The following NECAB2 variants were observed in gnomAD, a reference collection of about 807,000 sequenced individuals.
The protein encoded by NECAB2 is N-terminal EF-hand calcium-binding protein 2.
In NECAB2, 68 loss-of-function variants were observed where a neutral mutation model predicts 51.9. The ratio of observed to expected loss-of-function variants is 1.31; its 90% confidence interval spans 1.08 to 1.60. The LOEUF (loss-of-function observed/expected upper bound fraction) is 1.60. Ranked by LOEUF, NECAB2 falls within the 40% of genes most tolerant of loss-of-function variation. The pLI is 0.00. For missense variants in NECAB2, 854 were observed against 490.3 expected, an observed-to-expected ratio of 1.74 and a Z score of -7.00; for synonymous variants, 329 against 203.5, an observed-to-expected ratio of 1.62 and a Z score of -5.25.
chr16:84,002,372 G>A lies in NECAB2; in HGVS notation c.*26G>A, dbSNP rs764935008. 21 of 1,611,252 alleles carry A rather than the reference G, an allele frequency of 1.3e-5. No homozygotes were observed. Among genetic ancestry groups the A allele is most frequent in the Non-Finnish European group, 1.7e-5 (20 of 1,178,298 alleles). On this transcript the variant is annotated 3_prime_UTR_variant, in exon 13 of 13. Transcript: ENST00000305202. Reference sequence around the variant, plus strand: ...CAGCCTCCCAGAGGCCCGTGGAGGAGCCCACCAGCCCCTTCTTCTTGTGAA... The same window carrying A: ...CAGCCTCCCAGAGGCCCGTGGAGGAACCCACCAGCCCCTTCTTCTTGTGAA...
chr16:83,977,327 TG>T (rs1438903742), intron 2 of NECAB2, among the ~76,000 whole-genome samples: 1 of 151,416 alleles, frequency 6.6e-6, no homozygotes, highest in Non-Finnish European at 1.5e-5. Context: ...GCAGGGCAGG[TG>T]GGGGATGAGC....
chr16:83,970,561 G>A (rs2084337018), intron 1 of NECAB2, among the ~76,000 whole-genome samples: 1 of 152,150 alleles, frequency 6.6e-6, no homozygotes, highest in Non-Finnish European at 1.5e-5. Context: ...TTGCCTGGAG[G>A]GATGGGGGGC....
chr16:83,985,999 T>C (rs113613586), intron 5 of NECAB2, among the ~76,000 whole-genome samples: 2 of 152,150 alleles, frequency 1.3e-5, no homozygotes, highest in African/African-American at 4.8e-5. Context: ...AAAATACACA[T>C]CAAATATTTT....
chr16:83,981,688 C>G (rs2084491656), intron 5 of NECAB2, among the ~76,000 whole-genome samples: 1 of 152,108 alleles, frequency 6.6e-6, no homozygotes, highest in African/African-American at 2.4e-5. Context: ...AGTGGGGAAA[C>G]TGAGTCAGGG....
intron 5 of NECAB2, among the ~76,000 whole-genome samples, chr16:83,985,403 G>A (rs1268117087): frequency 6.7e-6 from 1 of 150,110 alleles, no homozygotes; most frequent in Non-Finnish European, 1.5e-5. Flanking sequence ...GGGAGGCCGA[G>A]GCAGATAGAT....
Position 84,001,901 on chromosome 16 carries a change from A to C in NECAB2, c.1117A>C (p.Arg373=), listed in dbSNP as rs974993671. 6.2e-7 allele frequency: 1 copy of C among 1,613,982 alleles called. No individual in the cohort carries two copies. The highest frequency in any genetic ancestry group is 1.7e-4 in the Middle Eastern group (1 of 6,058). ...ACTGAGCCAGCCTGAGGCCCTCTCC[A>C]GGATCTTGGTGCCAGGTAGGGGGCA... ...DTLSQPEALS[R]ILVPAAWCTV... The change falls in exon 12 of 13, where the codon AGG becomes CGG. Residue 373 remains arginine (R), a synonymous_variant. Transcript: ENST00000305202.
intron 9 of NECAB2, 55 bp downstream of exon 9, chr16:83,997,324 T>G: frequency 6.2e-7 from 1 of 1,609,532 alleles, no homozygotes; most frequent in Non-Finnish European, 8.5e-7. Flanking sequence ...ATGCCAGGAC[T>G]GCCAAGATCC....
chr16:83,978,741 G>T (rs1047593693), intron 3 of NECAB2, among the ~76,000 whole-genome samples, 189 bp downstream of exon 3: 28 of 151,966 alleles, frequency 1.8e-4, no homozygotes, highest in African/African-American at 6.5e-4. Flanking sequence ...ATATTGCATT[G>T]GCTACTATCG....
chr16:83,974,847 C>G (rs994029501), intron 2 of NECAB2, among the ~76,000 whole-genome samples: 1 of 151,674 alleles, frequency 6.6e-6, no homozygotes, highest in Non-Finnish European at 1.5e-5. Context: ...GGTGTGGATC[C>G]AAGAATGAGA....
At chr16:83,974,248 C>T (rs1435718476) in intron 2 of NECAB2, among the ~76,000 whole-genome samples, 2 of 152,164 alleles carry the variant, frequency 1.3e-5, no homozygotes, top group East Asian at 3.9e-4. Context: ...CAAGTCCTGG[C>T]TCAGCCGCGT....
At position 84,000,705 on chromosome 16, in the gene NECAB2, C is replaced by A. The variant is rs36152286; in HGVS notation, c.963-19C>A. Reference sequence around the variant, plus strand: ...TGGTTGAGCTCCAGCCTCCTCCCCCCGACCATCTCCTGTTGCAGCATCACT... The same window carrying A: ...TGGTTGAGCTCCAGCCTCCTCCCCCAGACCATCTCCTGTTGCAGCATCACT... On this transcript the variant is annotated intron_variant, in intron 10 of 12. Transcript: ENST00000305202. The A allele has an allele frequency of 4.3e-6, 7 of 1,612,674 alleles. No individual in the cohort carries two copies. The highest frequency in any genetic ancestry group is 4.5e-5 in the East Asian group (2 of 44,852).
At chr16:83,986,247 C>T (rs1045848532) in intron 5 of NECAB2, among the ~76,000 whole-genome samples, 4 of 152,124 alleles carry the variant, frequency 2.6e-5, no homozygotes, top group African/African-American at 4.8e-5. Context: ...GAACTCCTGA[C>T]GTCAGGTGTT....
intron 12 of NECAB2, 81 bp downstream of exon 12, chr16:84,001,997 C>T (rs962147604): frequency 3.4e-5 from 50 of 1,454,686 alleles, no homozygotes; most frequent in African/African-American, 8.6e-5. Context: ...CCATATCTCC[C>T]GGGGACTTGC....
At chr16:83,999,563 C>T (rs562112892) in intron 10 of NECAB2, among the ~76,000 whole-genome samples, 72 of 152,256 alleles carry the variant, frequency 4.7e-4, no homozygotes, top group African/African-American at 1.6e-3. Flanking sequence ...CTAGGCTGAG[C>T]ACTGTAGCCC....
In NECAB2 at chr16:83,990,759, T is replaced by C. The variant is rs534761107; in HGVS notation, c.596+129T>C. On this transcript the variant is annotated intron_variant, in intron 6 of 12. Coordinates refer to ENST00000305202, the MANE Select transcript of NECAB2 (RefSeq NM_019065.3). Reference sequence around the variant, plus strand: ...ACCTTGGGCAAGTTGCCACAGCTCTTTGTGCCTTTGGTGCTCCATTATGTA... The same window carrying C: ...ACCTTGGGCAAGTTGCCACAGCTCTCTGTGCCTTTGGTGCTCCATTATGTA... The C allele has an allele frequency of 8.9e-6, 11 of 1,234,682 alleles. No homozygotes were observed. In the South Asian group the frequency reaches 1.7e-4, roughly 19 times the overall value. The allele number at this position is 1,234,682 out of a possible 1,614,324, so 76.5% of individuals were successfully genotyped here. A position where few individuals can be genotyped will look rare whatever the true frequency, so the allele number is the denominator to read the frequency against.
chr16:83,977,716 C>A (rs970280396), intron 2 of NECAB2, among the ~76,000 whole-genome samples: 1 of 152,188 alleles, frequency 6.6e-6, no homozygotes, highest in Non-Finnish European at 1.5e-5. Context: ...GCATCTGTGG[C>A]CTGGGAGAGG....
intron 6 of NECAB2, 55 bp downstream of exon 6, chr16:83,990,685 T>C: frequency 6.3e-7 from 1 of 1,592,662 alleles, no homozygotes; most frequent in Non-Finnish European, 8.6e-7. Context: ...CACGCGCACG[T>C]GCCCACCTGC....
intron 8 of NECAB2, among the ~76,000 whole-genome samples, chr16:83,995,154 C>G (rs561749907): frequency 2.0e-5 from 3 of 152,300 alleles, no homozygotes; most frequent in South Asian, 4.1e-4. Flanking sequence ...TATGGGACGT[C>G]CACAGGTGAT....
chr16:83,996,331 A>ACCCTTGC (rs2084698199), intron 8 of NECAB2, among the ~76,000 whole-genome samples: 1 of 152,144 alleles, frequency 6.6e-6, no homozygotes, highest in Non-Finnish European at 1.5e-5. Context: ...AGAAGGCAGT[A>ACCCTTGC]CCCTTGCCAG....
Sources: allele counts gnomAD v4.1 joint callset (sites outside exome capture counted in the v4.1 genomes callset), GRCh38; gene constraint gnomAD v4.1.1; transcripts MANE v1.5; gene names NCBI Gene and HGNC (gene_info 2026-07-23, HGNC 2026-07-21).